Variants in WDFY2 observed in about 807,000 individuals in gnomAD.
The protein encoded by WDFY2 is WD repeat and FYVE domain containing 2, also known as WD repeat and FYVE domain-containing protein 2.
A neutral mutation model predicts 56.4 loss-of-function variants in WDFY2; 36 were observed. The observed-to-expected ratio is 0.64, with a 90% CI of 0.49 to 0.84. WDFY2 has a LOEUF of 0.84. Ranked by LOEUF, WDFY2 falls within the 40% of genes least tolerant of loss-of-function variation. The pLI, the probability that WDFY2 is intolerant of heterozygous loss-of-function variation, is 0.00. For missense variants in WDFY2, 444 were observed against 512.2 expected (o/e 0.87, Z 1.29); for synonymous variants, 176 against 183.7 (o/e 0.96, Z 0.34).
Position 51,759,900 on chromosome 13 carries a change from G to T in WDFY2, c.*131G>T, listed in dbSNP as rs1953526818. 1 of 1,008,644 alleles carries T rather than the reference G, an allele frequency of 9.9e-7. No homozygotes were observed. The allele number at this position is 1,008,644 out of a possible 1,614,324, so 62.5% of individuals were successfully genotyped here. A position where few individuals can be genotyped will look rare whatever the true frequency, so the allele number is the denominator to read the frequency against. On this transcript the variant is annotated 3_prime_UTR_variant, in exon 12 of 12. Transcript: ENST00000298125. ...ACTAAAGACCCTGAATGAATTTGCAGATTACCCATGTGCACAGTGGGGACC... is the reference window on the plus strand; with the variant it reads ...ACTAAAGACCCTGAATGAATTTGCATATTACCCATGTGCACAGTGGGGACC...
At chr13:51,694,699 T>C (rs1951824039) in intron 3 of WDFY2, among the ~76,000 whole-genome samples, 2 of 152,232 alleles carry the variant, frequency 1.3e-5, no homozygotes, top group African/African-American at 4.8e-5. Flanking sequence ...TGTGGCGTTC[T>C]CTGTATTTCC....
At chr13:51,649,162 A>C (rs1430707288) in intron 1 of WDFY2, among the ~76,000 whole-genome samples, 6 of 152,212 alleles carry the variant, frequency 3.9e-5, no homozygotes. Flanking sequence ...ATAAAAAATA[A>C]AAATAAATAG....
At chr13:51,648,970 A>C (rs1451759838) in intron 1 of WDFY2, among the ~76,000 whole-genome samples, 1 of 152,108 alleles carries the variant, frequency 6.6e-6, no homozygotes, top group Non-Finnish European at 1.5e-5. Flanking sequence ...AATATGGTGA[A>C]ATCCCGTCTC....
rs1335847720 is a variant in WDFY2 at position 51,684,220 on chromosome 13, G to A, written c.279+8977G>A. 3.3e-5 allele frequency among the ~76,000 whole-genome samples: 5 copies of A among 152,268 alleles called. 1 individual carries two copies. In the South Asian group the frequency reaches 8.3e-4, roughly 25 times the overall value. Reference sequence around the variant, plus strand: ...GAGCTTTTCCATCTGCAGCAATCATGCAAGTCCAGCTTGTTTCCTGGATTG... The same window carrying A: ...GAGCTTTTCCATCTGCAGCAATCATACAAGTCCAGCTTGTTTCCTGGATTG... On this transcript the variant is annotated intron_variant, in intron 3 of 11. Coordinates refer to ENST00000298125, the MANE Select transcript of WDFY2 (RefSeq NM_052950.4).
At chr13:51,702,486 A>C (rs1365806638) in intron 3 of WDFY2, among the ~76,000 whole-genome samples, 1 of 152,116 alleles carries the variant, frequency 6.6e-6, no homozygotes, top group East Asian at 1.9e-4. Flanking sequence ...ATTTGTAGAT[A>C]AGCTTCTTAA....
intron 5 of WDFY2, among the ~76,000 whole-genome samples, chr13:51,726,857 C>A (rs556073569): frequency 1.2e-3 from 180 of 152,214 alleles, no homozygotes; most frequent in African/African-American, 3.5e-3. Flanking sequence ...TTCTTGATTG[C>A]TCTTTTTATA....
chr13:51,597,962 A>G (rs1353227523), intron 1 of WDFY2, among the ~76,000 whole-genome samples: 2 of 152,190 alleles, frequency 1.3e-5, no homozygotes, highest in East Asian at 3.8e-4. Context: ...AGATTTTGTG[A>G]AAGGAAAACT....
At chr13:51,657,683 G>C (rs533303220) in intron 1 of WDFY2, among the ~76,000 whole-genome samples, 13 of 152,178 alleles carry the variant, frequency 8.5e-5, no homozygotes, top group African/African-American at 3.1e-4. Flanking sequence ...GGAAATTTCA[G>C]TTGTCCCATC....
chr13:51,757,432 C>T (rs748671466), intron 10 of WDFY2, among the ~76,000 whole-genome samples: 10 of 151,038 alleles, frequency 6.6e-5, no homozygotes, highest in African/African-American at 1.7e-4. Flanking sequence ...AAGATCTATC[C>T]TGCAGATTTA....
In WDFY2 at chr13:51,598,158, G is replaced by A. The variant is rs553716826; in HGVS notation, c.137+13334G>A. 1.5e-4 allele frequency among the ~76,000 whole-genome samples: 23 copies of A among 152,138 alleles called. 1 individual carries two copies. The highest frequency in any genetic ancestry group is 1.4e-3 in the East Asian group (7 of 5,172). On this transcript the variant is annotated intron_variant, in intron 1 of 11. Coordinates refer to ENST00000298125, the MANE Select transcript of WDFY2 (RefSeq NM_052950.4). ...GCAGATCACCTGAGTTCAGGAGTTC[G>A]AGACCAGCCCGGCCAACATGGTGAA...
intron 1 of WDFY2, among the ~76,000 whole-genome samples, chr13:51,645,890 C>A (rs2138414448): frequency 6.6e-6 from 1 of 152,320 alleles, no homozygotes; most frequent in Admixed American, 6.5e-5. Flanking sequence ...ACAGTTTTCT[C>A]TGCAACAGCC....
At chr13:51,643,955 C>T (rs1421595555) in intron 1 of WDFY2, among the ~76,000 whole-genome samples, 2 of 152,074 alleles carry the variant, frequency 1.3e-5, no homozygotes, top group African/African-American at 4.8e-5. Context: ...TTTCTTGTGT[C>T]ATAGGAAGAA....
chr13:51,723,156 T>C (rs1952527486), intron 5 of WDFY2, among the ~76,000 whole-genome samples: 1 of 152,238 alleles, frequency 6.6e-6, no homozygotes, highest in South Asian at 2.1e-4. Flanking sequence ...TATCCCTTTT[T>C]GCTTTCTCTC....
At chr13:51,614,771 CGTT>C (rs1472348567) in intron 1 of WDFY2, among the ~76,000 whole-genome samples, 1 of 152,124 alleles carries the variant, frequency 6.6e-6, no homozygotes, top group Non-Finnish European at 1.5e-5. Flanking sequence ...TGGCCGGGCA[CGTT>C]GTCACCCTGA....
intron 1 of WDFY2, among the ~76,000 whole-genome samples, chr13:51,637,751 T>TA (rs982456006): frequency 1.3e-5 from 2 of 152,178 alleles, no homozygotes; most frequent in Non-Finnish European, 2.9e-5. Context: ...ACATATAGGA[T>TA]AAAAAAGATA....
intron 4 of WDFY2, among the ~76,000 whole-genome samples, chr13:51,715,221 A>T (rs893631274): frequency 1.3e-5 from 2 of 152,052 alleles, no homozygotes; most frequent in African/African-American, 4.8e-5. Context: ...AACCTAGTGT[A>T]CTCTATTTTT....
At chr13:51,697,626 C>G (rs1951902533) in intron 3 of WDFY2, among the ~76,000 whole-genome samples, 1 of 147,800 alleles carries the variant, frequency 6.8e-6, no homozygotes, top group African/African-American at 2.5e-5. Flanking sequence ...AAGCAAGATC[C>G]TGCCTCAAAA....
chr13:51,678,581 T>G (rs1356361516), intron 3 of WDFY2, among the ~76,000 whole-genome samples: 1 of 152,214 alleles, frequency 6.6e-6, no homozygotes, highest in Non-Finnish European at 1.5e-5. Flanking sequence ...GTTAGTCAGA[T>G]TGTGCTAACT....
chr13:51,632,956 G>T lies in WDFY2; in HGVS notation c.138-27640G>T, dbSNP rs117644692. Among the ~76,000 whole-genome samples, 22 of 152,234 alleles carry T rather than the reference G, an allele frequency of 1.4e-4. No individual in the cohort carries two copies. The East Asian group carries it at 4.2e-3, about 29-fold the overall frequency. On this transcript the variant is annotated intron_variant, in intron 1 of 11. Coordinates refer to ENST00000298125, the MANE Select transcript of WDFY2 (RefSeq NM_052950.4). ...TTCTTTTCATTCCAGGCAAAAATAG[G>T]GAAAAACGTTAGATTTACTGTGATT...
Sources: allele counts gnomAD v4.1 joint callset (sites outside exome capture counted in the v4.1 genomes callset), GRCh38; gene constraint gnomAD v4.1.1; transcripts MANE v1.5; gene names NCBI Gene and HGNC (gene_info 2026-07-23, HGNC 2026-07-21).